The following CPQ variants were observed in gnomAD, a reference collection of about 807,000 sequenced individuals.
CPQ encodes Ser-Met dipeptidase.
A neutral mutation model predicts 45.7 loss-of-function variants in CPQ; 37 were observed. The observed-to-expected ratio is 0.81, with a 90% CI of 0.62 to 1.07. The LOEUF is 1.07. Ranked by LOEUF, CPQ falls within the 50% of genes least tolerant of loss-of-function variation. The pLI, the probability that CPQ is intolerant of heterozygous loss-of-function variation, is 0.00. For synonymous variants in CPQ, 186 were observed against 205.8 expected (o/e 0.90, Z 0.82); for missense variants, 537 against 572.9 (o/e 0.94, Z 0.64).
rs1427716040 is a variant in CPQ, at chr8:97,123,057, TAAAATAAAA to T, written c.1256-19953_1256-19945del. Among the ~76,000 whole-genome samples the T allele has an allele frequency of 1.5e-3, 49 of 33,518 alleles. 7 individuals are homozygous for T. The highest frequency in any genetic ancestry group is 5.3e-3 in the African/African-American group (40 of 7,524). 22.0% of individuals were successfully genotyped at this position (33,518 alleles called of 152,430 possible). Reference sequence around the variant, plus strand: ...ATAAAATAAAATAAATAAAATAAAATAAAATAAAAAAAATAAAATAAAATAAATAAAATA... The same window carrying T: ...ATAAAATAAAATAAATAAAATAAAATAAAATAAAATAAAATAAATAAAATA... On this transcript the variant is annotated intron_variant, in intron 7 of 7. Transcript: ENST00000220763.
intron 1 of CPQ, among the ~76,000 whole-genome samples, chr8:96,723,184 G>A (rs1173998931): frequency 1.3e-5 from 2 of 151,992 alleles, no homozygotes; most frequent in East Asian, 1.9e-4. Context: ...AAAGTAAATA[G>A]GACAAGGATT....
At position 96,904,229 on chromosome 8, in the gene CPQ, CT is replaced by C. The variant is rs398112778; in HGVS notation, c.849+24225del. 2.2e-4 allele frequency among the ~76,000 whole-genome samples: 3 copies of C among 13,898 alleles called. No individual in the cohort carries two copies. The African/African-American group carries it at 4.2e-3, about 20-fold the overall frequency. The allele number at this position is 13,898 out of a possible 152,430, so 9.1% of individuals were successfully genotyped here. A position where few individuals can be genotyped will look rare whatever the true frequency, so the allele number is the denominator to read the frequency against. ...TAAAGCTCTCCTCTCCCAACATTTC[CT>C]CTCCTCAGTTTAACCCGAGTTATGT... On this transcript the variant is annotated intron_variant, in intron 4 of 7. Transcript: ENST00000220763.
chr8:96,985,599 T>C (rs753732520), intron 5 of CPQ, among the ~76,000 whole-genome samples: 1 of 152,276 alleles, frequency 6.6e-6, no homozygotes. Context: ...GTGTCACCCA[T>C]TGGCATGAAA....
At chr8:97,086,321 C>T (rs1044422023) in intron 7 of CPQ, among the ~76,000 whole-genome samples, 8 of 152,060 alleles carry the variant, frequency 5.3e-5, no homozygotes, top group African/African-American at 1.9e-4. Context: ...TATTGAAGAC[C>T]ATAAGGTGCC....
chr8:96,804,514 T>G (rs1348932210), intron 2 of CPQ, among the ~76,000 whole-genome samples: 2 of 152,250 alleles, frequency 1.3e-5, no homozygotes, highest in African/African-American at 2.4e-5. Flanking sequence ...ATTAGTAGTA[T>G]AATTTTTATT....
At chr8:96,741,290 A>C (rs1434705048) in intron 1 of CPQ, among the ~76,000 whole-genome samples, 1 of 152,132 alleles carries the variant, frequency 6.6e-6, no homozygotes, top group Admixed American at 6.5e-5. Context: ...CTCTGATGGT[A>C]GTTTGCATTT....
intron 4 of CPQ, among the ~76,000 whole-genome samples, 189 bp from the exon 5 acceptor site, chr8:96,965,746 G>C (rs1333639567): frequency 1.3e-5 from 2 of 152,074 alleles, no homozygotes; most frequent in Non-Finnish European, 2.9e-5. Context: ...TATTAGGATA[G>C]ACTTAGACCC....
At chr8:96,683,731 A>G (rs1420158377) in intron 1 of CPQ, among the ~76,000 whole-genome samples, 3 of 142,506 alleles carry the variant, frequency 2.1e-5, no homozygotes, top group African/African-American at 7.8e-5. Flanking sequence ...CATTTTTTCT[A>G]TTTTTTTCTT....
intron 2 of CPQ, among the ~76,000 whole-genome samples, chr8:96,833,311 CAAAACAAAAA>C (rs904087755): frequency 4.6e-5 from 7 of 151,872 alleles, no homozygotes; most frequent in African/African-American, 9.7e-5. Context: ...CAAAACAAAA[CAAAACAAAAA>C]AAAACTTGAA....
chr8:96,781,503 C>T (rs1298534678), intron 1 of CPQ, among the ~76,000 whole-genome samples: 1 of 152,184 alleles, frequency 6.6e-6, no homozygotes, highest in Non-Finnish European at 1.5e-5. Flanking sequence ...CCATCATGAT[C>T]TAAACATCTC....
intron 6 of CPQ, among the ~76,000 whole-genome samples, chr8:97,055,161 C>T (rs1810432212): frequency 6.6e-6 from 1 of 152,070 alleles, no homozygotes; most frequent in Non-Finnish European, 1.5e-5. Flanking sequence ...CTTGAAGATC[C>T]CCTGGTCCTA....
intron 1 of CPQ, among the ~76,000 whole-genome samples, chr8:96,752,389 G>A (rs929899199): frequency 1.3e-5 from 2 of 151,890 alleles, no homozygotes; most frequent in Non-Finnish European, 2.9e-5. Context: ...CTTTTTGTAG[G>A]AATTGTGAAT....
intron 1 of CPQ, among the ~76,000 whole-genome samples, chr8:96,663,864 TAAAGG>T (rs1808886453): frequency 6.6e-6 from 1 of 152,018 alleles, no homozygotes; most frequent in Admixed American, 6.6e-5. Context: ...TGTAGAAACA[TAAAGG>T]AAGTGAGGAA....
chr8:97,091,480 G>T (rs1482153976), intron 7 of CPQ, among the ~76,000 whole-genome samples: 1 of 152,154 alleles, frequency 6.6e-6, no homozygotes, highest in East Asian at 1.9e-4. Flanking sequence ...ACTTGTAATT[G>T]TCAGGCCAGT....
rs140202934 is a variant in CPQ, at chr8:97,057,185, C to T, written c.1054-8824C>T. 9.2e-5 allele frequency among the ~76,000 whole-genome samples: 14 copies of T among 152,124 alleles called. 1 individual carries two copies. In the East Asian group the frequency reaches 2.7e-3, roughly 29 times the overall value. On this transcript the variant is annotated intron_variant, in intron 6 of 7. Coordinates refer to ENST00000220763, the MANE Select transcript of CPQ (RefSeq NM_016134.4). ...AGGGCAAACAAAAATGTATAGTCAC[C>T]CTATCACTCAAGTTTACGTCAAAAT...
intron 3 of CPQ, among the ~76,000 whole-genome samples, chr8:96,836,605 A>C (rs1399030015): frequency 6.6e-6 from 1 of 152,140 alleles, no homozygotes; most frequent in Non-Finnish European, 1.5e-5. Context: ...CACCCCTTGG[A>C]ATAACATATT....
chr8:96,883,494 T>C (rs1460660415), intron 4 of CPQ, among the ~76,000 whole-genome samples: 1 of 152,160 alleles, frequency 6.6e-6, no homozygotes, highest in East Asian at 1.9e-4. Context: ...AGGTAGAAGT[T>C]TAACAAAACT....
chr8:96,999,700 T>TA (rs1015446953), intron 5 of CPQ, among the ~76,000 whole-genome samples: 4 of 152,004 alleles, frequency 2.6e-5, no homozygotes, highest in African/African-American at 9.6e-5. Context: ...GCAGTGAACA[T>TA]ATGTGTATGT....
At chr8:97,005,259 T>G (rs1279982324) in intron 5 of CPQ, among the ~76,000 whole-genome samples, 1 of 151,900 alleles carries the variant, frequency 6.6e-6, no homozygotes, top group Non-Finnish European at 1.5e-5. Context: ...TTTTTGTACT[T>G]TTAGTAGAGA....
Sources: gnomAD v4.1 joint callset for allele counts (sites outside exome capture counted in the v4.1 genomes callset) on GRCh38, gnomAD v4.1.1 for gene constraint, MANE v1.5 for transcripts, NCBI Gene and HGNC (gene_info 2026-07-23, HGNC 2026-07-21) for gene names.